Variants in PRKG1 observed in about 807,000 individuals in gnomAD.
The protein encoded by PRKG1 is cGMP-dependent protein kinase 1.
PRKG1 carries 35 observed loss-of-function variants against 88.1 expected under a neutral mutation model. That is an observed-to-expected ratio of 0.40 (90% CI 0.30 to 0.53). The LOEUF (loss-of-function observed/expected upper bound fraction) is 0.53, where lower values mean the gene tolerates loss of function less well. Ranked by LOEUF, PRKG1 falls within the 20% of genes least tolerant of loss-of-function variation. PRKG1 has a pLI of 0.59. For missense variants in PRKG1, 540 were observed against 839.8 expected (o/e 0.64, Z 4.41); for synonymous variants, 303 against 292.5 (o/e 1.04, Z -0.37).
At chr10:52,098,961 A>G (rs1382614177) in intron 7 of PRKG1, among the ~76,000 whole-genome samples, 1 of 152,214 alleles carries the variant, frequency 6.6e-6, no homozygotes, top group Non-Finnish European at 1.5e-5. Flanking sequence ...AAGGTAAAGG[A>G]AGCAATTCAC....
intron 5 of PRKG1, among the ~76,000 whole-genome samples, chr10:51,924,856 G>A (rs1438334381): frequency 6.7e-6 from 1 of 150,104 alleles, no homozygotes; most frequent in Non-Finnish European, 1.5e-5. Flanking sequence ...CTTCATTTCT[G>A]TTGCAGTCTT....
chr10:51,070,882 T>C (rs1843817259), upstream of PRKG1, among the ~76,000 whole-genome samples: 1 of 152,212 alleles, frequency 6.6e-6, no homozygotes, highest in Admixed American at 6.5e-5. Flanking sequence ...TTGTGAGTTG[T>C]TTCTGGAATT....
intron 1 of PRKG1, among the ~76,000 whole-genome samples, chr10:51,105,136 G>T (rs192244309): frequency 3.9e-5 from 6 of 152,212 alleles, no homozygotes; most frequent in Admixed American, 1.3e-4. Context: ...CTCCCAAAGT[G>T]CTGTGATTGC....
intron 4 of PRKG1, among the ~76,000 whole-genome samples, chr10:51,898,990 A>G (rs994552733): frequency 6.6e-6 from 1 of 152,180 alleles, no homozygotes; most frequent in Non-Finnish European, 1.5e-5. Context: ...ACATAAGACT[A>G]ATACTAATTC....
At chr10:51,205,162 C>CA (rs774847701) in intron 2 of PRKG1, among the ~76,000 whole-genome samples, 107 of 33,272 alleles carry the variant, frequency 3.2e-3, no homozygotes, top group Middle Eastern at 0.025. Context: ...TTTTTTGAGA[C>CA]AGAGTCTTGC....
intron 5 of PRKG1, among the ~76,000 whole-genome samples, chr10:51,992,305 TCTC>T (rs1486858777): frequency 6.6e-6 from 1 of 152,120 alleles, no homozygotes; most frequent in Non-Finnish European, 1.5e-5. Flanking sequence ...AATTTCATGG[TCTC>T]CTCTTCTTCA....
intron 2 of PRKG1, among the ~76,000 whole-genome samples, chr10:51,295,924 G>C (rs534424961): frequency 6.6e-6 from 1 of 152,114 alleles, no homozygotes; most frequent in South Asian, 2.1e-4. Flanking sequence ...TGAATCTATT[G>C]AGATGATCAT....
At chr10:51,180,549 T>C (rs1247779774) in intron 2 of PRKG1, among the ~76,000 whole-genome samples, 1 of 152,228 alleles carries the variant, frequency 6.6e-6, no homozygotes, top group Non-Finnish European at 1.5e-5. Flanking sequence ...TATTCTGTCA[T>C]ATAATTGCAA....
At chr10:51,073,301 G>C (rs529176981), upstream of PRKG1, among the ~76,000 whole-genome samples, 1 of 152,138 alleles carries the variant, frequency 6.6e-6, no homozygotes, top group South Asian at 2.1e-4. Context: ...CAGCCTGCGT[G>C]GTCTCCCTCG....
At chr10:51,087,287 TTGA>T (rs60114266) in intron 1 of PRKG1, among the ~76,000 whole-genome samples, 1,722 of 151,570 alleles carry the variant, frequency 0.011, 23 homozygotes, top group African/African-American at 0.037. Context: ...TGGTCAATTA[TTGA>T]TGATGATGAT....
chr10:51,890,794 A>G (rs967410171), intron 4 of PRKG1, among the ~76,000 whole-genome samples: 90 of 152,248 alleles, frequency 5.9e-4, no homozygotes, highest in African/African-American at 2.0e-3. Flanking sequence ...CTTCTCTACT[A>G]AAAATACAAA....
intron 9 of PRKG1, among the ~76,000 whole-genome samples, chr10:52,228,918 C>T (rs572845059): frequency 6.6e-5 from 10 of 152,278 alleles, no homozygotes; most frequent in East Asian, 1.9e-4. Context: ...CATGTCAGTT[C>T]GTCTCAGAAA....
At chr10:51,914,025 A>G (rs58806231) in intron 5 of PRKG1, among the ~76,000 whole-genome samples, 8,018 of 152,208 alleles carry the variant, frequency 0.053, 658 homozygotes, top group African/African-American at 0.18. Context: ...ATTATAAAAC[A>G]GGATCCAATC....
intron 2 of PRKG1, among the ~76,000 whole-genome samples, chr10:51,237,554 G>A (rs963966459): frequency 6.6e-6 from 1 of 152,164 alleles, no homozygotes; most frequent in Non-Finnish European, 1.5e-5. Context: ...ATGTGTCCCA[G>A]ATGACATACA....
At chr10:52,033,861 T>C (rs1048289494) in intron 5 of PRKG1, among the ~76,000 whole-genome samples, 2 of 150,604 alleles carry the variant, frequency 1.3e-5, no homozygotes, top group African/African-American at 4.9e-5. Flanking sequence ...AGAGAGTCAG[T>C]GAAGGGAGAT....
chr10:51,073,008 G>A (rs1843854868), upstream of PRKG1, among the ~76,000 whole-genome samples: 1 of 152,146 alleles, frequency 6.6e-6, no homozygotes, highest in African/African-American at 2.4e-5. Flanking sequence ...GAGCATTGAG[G>A]ATTATAATAT....
intron 2 of PRKG1, among the ~76,000 whole-genome samples, chr10:51,427,271 A>C (rs1838616256): frequency 1.3e-5 from 2 of 152,200 alleles, no homozygotes; most frequent in South Asian, 2.1e-4. Context: ...AAGAAGCAAA[A>C]CCCACAGCTC....
chr10:51,673,046 T>C (rs915341961), intron 3 of PRKG1, among the ~76,000 whole-genome samples: 26 of 152,270 alleles, frequency 1.7e-4, no homozygotes, highest in African/African-American at 6.3e-4. Flanking sequence ...GACTGGTTCT[T>C]GTACTGTAAA....
At chr10:52,036,618 G>T (rs549406275) in intron 5 of PRKG1, among the ~76,000 whole-genome samples, 2 of 151,842 alleles carry the variant, frequency 1.3e-5, no homozygotes, top group African/African-American at 2.4e-5. Flanking sequence ...GGGTTAAGGT[G>T]GGGGGATACA....
Sources: allele counts gnomAD v4.1 joint callset (sites outside exome capture counted in the v4.1 genomes callset), GRCh38; gene constraint gnomAD v4.1.1; transcripts MANE v1.5; gene names NCBI Gene and HGNC (gene_info 2026-07-23, HGNC 2026-07-21).